The following ADAMTSL1 variants were observed in gnomAD, a reference collection of about 807,000 sequenced individuals.
The protein encoded by ADAMTSL1 is ADAMTS-like protein 1.
In ADAMTSL1, 126 loss-of-function variants were observed where a neutral mutation model predicts 201.8. The ratio of observed to expected loss-of-function variants is 0.62; its 90% CI spans 0.54 to 0.72. The LOEUF (loss-of-function observed/expected upper bound fraction) is 0.72, where lower values mean the gene tolerates loss of function less well. Among genes scored for constraint, ADAMTSL1 ranks in the 30% least tolerant of loss-of-function variants. The probability of loss-of-function intolerance (pLI) is 0.00; values close to 1 mark genes in which losing one functional copy is unlikely to be tolerated. For synonymous variants in ADAMTSL1, 1,121 were observed against 903.4 expected (o/e 1.24, Z -4.32); for missense variants, 2,679 against 2,277.8 (o/e 1.18, Z -3.59).
At chr9:18,131,025 TG>T (rs1825929520) in intron 1 of ADAMTSL1, among the ~76,000 whole-genome samples, 1 of 152,146 alleles carries the variant, frequency 6.6e-6, no homozygotes, top group Non-Finnish European at 1.5e-5. Context: ...AATGTCCCCA[TG>T]GTATAACTAA....
At chr9:18,866,650 A>G (rs1277109478) in intron 23 of ADAMTSL1, among the ~76,000 whole-genome samples, 3 of 152,202 alleles carry the variant, frequency 2.0e-5, no homozygotes, top group Non-Finnish European at 2.9e-5. Flanking sequence ...AGTCACCTCT[A>G]CAGCAGAGGG....
intron 1 of ADAMTSL1, among the ~76,000 whole-genome samples, chr9:17,959,477 G>A (rs1010734979): frequency 1.3e-5 from 2 of 150,666 alleles, no homozygotes; most frequent in African/African-American, 4.9e-5. Flanking sequence ...TTTATTTTTT[G>A]AGACAGAGTC....
intron 2 of ADAMTSL1, among the ~76,000 whole-genome samples, chr9:18,286,460 A>G (rs1309956517): frequency 6.6e-6 from 1 of 152,136 alleles, no homozygotes; most frequent in Non-Finnish European, 1.5e-5. Flanking sequence ...TGAAAATTAG[A>G]GGGTAGAGAG....
At chr9:18,181,082 T>A (rs1828451774) in intron 2 of ADAMTSL1, among the ~76,000 whole-genome samples, 1 of 152,130 alleles carries the variant, frequency 6.6e-6, no homozygotes, top group South Asian at 2.1e-4. Context: ...TGGCTAGCCA[T>A]ATGTAGAAAG....
intron 26 of ADAMTSL1, among the ~76,000 whole-genome samples, chr9:18,893,207 G>A (rs1160472193): frequency 1.3e-5 from 2 of 152,034 alleles, no homozygotes; most frequent in African/African-American, 4.8e-5. Flanking sequence ...GGAAAAGCCT[G>A]CTTCTCATAG....
chr9:18,848,539 C>T (rs1182525445), intron 23 of ADAMTSL1, among the ~76,000 whole-genome samples: 2 of 152,182 alleles, frequency 1.3e-5, no homozygotes, highest in Non-Finnish European at 2.9e-5. Context: ...CATGTAACTT[C>T]CATGCCTGGA....
chr9:18,773,524 C>T (rs1229056215), intron 17 of ADAMTSL1, among the ~76,000 whole-genome samples: 2 of 152,190 alleles, frequency 1.3e-5, no homozygotes, highest in Admixed American at 6.5e-5. Flanking sequence ...TACTATGAAG[C>T]CAATAATCTT....
At chr9:18,222,640 T>C (rs1473704809) in intron 2 of ADAMTSL1, among the ~76,000 whole-genome samples, 1 of 145,894 alleles carries the variant, frequency 6.9e-6, no homozygotes, top group Non-Finnish European at 1.5e-5. Context: ...TTTACTCATA[T>C]ACTCTTTTTT....
chr9:18,053,845 C>T (rs139302226), intron 1 of ADAMTSL1, among the ~76,000 whole-genome samples: 1 of 152,194 alleles, frequency 6.6e-6, no homozygotes, highest in Non-Finnish European at 1.5e-5. Context: ...ATCGTCAAAA[C>T]CCTAACAGAT....
At position 18,639,424 on chromosome 9, in the gene ADAMTSL1, T is replaced by G; in HGVS notation, c.834+13T>G. The G allele has an allele frequency of 6.2e-7, 1 of 1,607,374 alleles. No homozygotes were observed. Among genetic ancestry groups the G allele is most frequent in the East Asian group, 2.2e-5 (1 of 44,760 alleles). ...TTTCATTGTCAAGGTGAGCCCTATT[T>G]AGATACCTCCTTTTCAAGCCACATC... On this transcript the variant is annotated intron_variant, in intron 7 of 28. Coordinates refer to ENST00000380548, the MANE Select transcript of ADAMTSL1 (RefSeq NM_001040272.6).
At chr9:18,471,230 C>T (rs1251343516), upstream of ADAMTSL1, among the ~76,000 whole-genome samples, 1 of 152,160 alleles carries the variant, frequency 6.6e-6, no homozygotes, top group African/African-American at 2.4e-5. Context: ...CCCCCTTCAA[C>T]AACATCACTG....
chr9:18,091,091 G>GTA (rs201189522), intron 1 of ADAMTSL1, among the ~76,000 whole-genome samples: 182 of 151,976 alleles, frequency 1.2e-3, no homozygotes, highest in African/African-American at 4.1e-3. Flanking sequence ...GTGTGTGTGT[G>GTA]TGTGTACCTA....
intron 2 of ADAMTSL1, among the ~76,000 whole-genome samples, chr9:18,207,942 G>A (rs1378164692): frequency 1.3e-5 from 2 of 152,122 alleles, no homozygotes; most frequent in Admixed American, 1.3e-4. Flanking sequence ...GCACTGTCTT[G>A]TATGTCAGGA....
intron 2 of ADAMTSL1, among the ~76,000 whole-genome samples, chr9:18,285,633 C>T (rs552002393): frequency 1.6e-4 from 24 of 151,900 alleles, no homozygotes; most frequent in African/African-American, 4.1e-4. Context: ...CTTGTTGTGG[C>T]GGGGTGTTGA....
chr9:18,473,268 C>T (rs530163897), upstream of ADAMTSL1, among the ~76,000 whole-genome samples: 1 of 152,326 alleles, frequency 6.6e-6, no homozygotes, highest in East Asian at 1.9e-4. Flanking sequence ...TCCTTTCTTT[C>T]TCTCCCGTGG....
chr9:18,449,273 T>C (rs1045926449), intron 2 of ADAMTSL1, among the ~76,000 whole-genome samples: 22 of 150,294 alleles, frequency 1.5e-4, no homozygotes, highest in Admixed American at 1.3e-4. Context: ...CTCTATTATA[T>C]AATTTAAAAA....
At chr9:18,778,054 C>T in intron 19 of ADAMTSL1, 148 bp downstream of exon 19, 2 of 921,582 alleles carry the variant, frequency 2.2e-6, no homozygotes, top group Non-Finnish European at 3.1e-6. Context: ...CAGGCCCTCT[C>T]TTAGCACTGA....
intron 1 of ADAMTSL1, among the ~76,000 whole-genome samples, chr9:18,031,857 G>C (rs1820971194): frequency 6.6e-6 from 1 of 152,158 alleles, no homozygotes; most frequent in South Asian, 2.1e-4. Flanking sequence ...GTGGGCTGTG[G>C]GATATGTCTG....
At chr9:18,233,678 G>A (rs1416682233) in intron 2 of ADAMTSL1, among the ~76,000 whole-genome samples, 2 of 152,178 alleles carry the variant, frequency 1.3e-5, no homozygotes, top group Non-Finnish European at 2.9e-5. Context: ...CACCTTATTG[G>A]AAAGAATGAT....
Sources: allele counts gnomAD v4.1 joint callset (sites outside exome capture counted in the v4.1 genomes callset), GRCh38; gene constraint gnomAD v4.1.1; transcripts MANE v1.5; gene names NCBI Gene and HGNC (gene_info 2026-07-23, HGNC 2026-07-21).